The following SNX19 variants were observed in gnomAD, a reference collection of about 807,000 sequenced individuals.
SNX19 encodes the protein sorting nexin-19.
A neutral mutation model predicts 85.2 loss-of-function variants in SNX19; 60 were observed. The observed-to-expected ratio is 0.70, with a 90% CI of 0.57 to 0.87. SNX19 has a LOEUF of 0.87. Ranked by LOEUF, SNX19 falls within the 40% of genes least tolerant of loss-of-function variation. SNX19 has a pLI of 0.00. For synonymous variants in SNX19, 520 were observed against 470.0 expected, an observed-to-expected ratio of 1.11 and a Z score of -1.38; for missense variants, 1,201 against 1,217.8, an observed-to-expected ratio of 0.99 and a Z score of 0.21.
rs1943163268 is a variant in SNX19 at position 130,874,910 on chromosome 11, TTGG to T, written c.*3509_*3511del. On this transcript the variant is annotated 3_prime_UTR_variant, in exon 11 of 11. Transcript: ENST00000265909. ...GAGAAACTGGAACCCTTGTACATTG[TTGG>T]TGGGAATGTAAAATGGTCTAGTCAC... 3.9e-5 allele frequency among the ~76,000 whole-genome samples: 6 copies of T among 152,342 alleles called. No individual in the cohort carries two copies. The South Asian group carries it at 1.2e-3, about 32-fold the overall frequency.
chr11:130,913,894 G>GAAATAT (rs201832028), intron 1 of SNX19, among the ~76,000 whole-genome samples: 24,077 of 140,594 alleles, frequency 0.17, 2,176 homozygotes, highest in Middle Eastern at 0.26. Context: ...AGTTCTATTT[G>GAAATAT]AAAATAAATA....
chr11:130,884,928 C>A (rs1275587572), intron 8 of SNX19, among the ~76,000 whole-genome samples: 1 of 151,322 alleles, frequency 6.6e-6, no homozygotes, highest in Non-Finnish European at 1.5e-5. Context: ...AATACAAATG[C>A]TCTTGTTCAT....
chr11:130,871,513 T>C lies in SNX19; in HGVS notation c.*6909A>G, dbSNP rs1943025370. On this transcript the variant is annotated 3_prime_UTR_variant, in exon 11 of 11. Coordinates refer to ENST00000265909, the MANE Select transcript of SNX19 (RefSeq NM_014758.3). ...TCAAGGTATGAAAAGCAGTATTTCA[T>C]ATCAACGTTCATGGTTAATCTTTTT... 6.6e-6 allele frequency among the ~76,000 whole-genome samples: 1 copy of C among 152,212 alleles called. No individual in the cohort carries two copies. Among genetic ancestry groups the C allele is most frequent in the South Asian group, 2.1e-4 (1 of 4,830 alleles).
chr11:130,902,829 CTT>C (rs989247375), intron 8 of SNX19, among the ~76,000 whole-genome samples: 2 of 152,194 alleles, frequency 1.3e-5, no homozygotes, highest in Admixed American at 6.5e-5. Context: ...AGAAAACAAT[CTT>C]TATTTCAAGA....
Position 130,916,118 on chromosome 11 carries a change from G to A in SNX19, c.-179C>T, listed in dbSNP as rs777918786. The A allele has an allele frequency of 3.9e-5, 24 of 608,098 alleles. No individual in the cohort carries two copies. Among genetic ancestry groups the A allele is most frequent in the Non-Finnish European group, 6.7e-5 (23 of 345,378 alleles). The allele number at this position is 608,098 out of a possible 1,614,324, so 37.7% of individuals were successfully genotyped here. A position where few individuals can be genotyped will look rare whatever the true frequency, so the allele number is the denominator to read the frequency against. Reference sequence around the variant, plus strand: ...TGCAAAGCGACAGCTGCAGCTCCGCGTCTCCCCATGGCTACCACTAACAGA... The same window carrying A: ...TGCAAAGCGACAGCTGCAGCTCCGCATCTCCCCATGGCTACCACTAACAGA... On this transcript the variant is annotated 5_prime_UTR_variant, in exon 1 of 11. The change creates a new upstream start codon in the 5' untranslated region. Coordinates refer to ENST00000265909, the MANE Select transcript of SNX19 (RefSeq NM_014758.3).
At chr11:130,900,247 G>A (rs540820315) in intron 8 of SNX19, among the ~76,000 whole-genome samples, 1 of 152,292 alleles carries the variant, frequency 6.6e-6, no homozygotes, top group African/African-American at 2.4e-5. Context: ...AGGTTACAGT[G>A]AGCTATGATT....
Position 130,914,495 on chromosome 11 carries a change from CAT to C in SNX19, c.1443_1444del (p.Cys482LeufsTer8). On this transcript the variant is annotated frameshift_variant, in exon 1 of 11. Coordinates refer to ENST00000265909, the MANE Select transcript of SNX19 (RefSeq NM_014758.3). LOFTEE classifies it high-confidence loss of function. ...ATCATTGGTGAGATCCTTCTCTAAGCATGACGGCCGTGAGGGGCAGGTCTTTT... is the reference window on the plus strand; with the variant it reads ...ATCATTGGTGAGATCCTTCTCTAAGCGACGGCCGTGAGGGGCAGGTCTTTT... 1.2e-6 allele frequency: 2 copies of C among 1,613,872 alleles called. No individual in the cohort carries two copies. Among genetic ancestry groups the C allele is most frequent in the Non-Finnish European group, 1.7e-6 (2 of 1,179,800 alleles).
intron 8 of SNX19, among the ~76,000 whole-genome samples, chr11:130,899,926 A>C (rs1241623396): frequency 1.3e-5 from 2 of 152,218 alleles, no homozygotes; most frequent in Non-Finnish European, 2.9e-5. Flanking sequence ...AAAAACAAAA[A>C]GTCAGAATGT....
Position 130,880,755 on chromosome 11 carries a change from C to T in SNX19, c.2625G>A (p.Gln875=), listed in dbSNP as rs895995209. The change falls in exon 9 of 11, where the codon CAG becomes CAA. Residue 875 remains glutamine, a synonymous_variant. Transcript: ENST00000265909. ...ANLTSPQRWV[Q]YLLLLQESIW... The stretch of plus-strand genomic sequence containing the variant: ...TGGACTCCTGAAGAAGCAGGAGGTA[C>T]TGCACCCAGCGCTGTGGACTTGTTA... The T allele has an allele frequency of 5.0e-6, 8 of 1,607,572 alleles. No homozygotes were observed. Among genetic ancestry groups the T allele is most frequent in the Middle Eastern group, 1.7e-4 (1 of 6,056 alleles).
At chr11:130,907,008 T>TA (rs1442157454) in intron 5 of SNX19, among the ~76,000 whole-genome samples, 1 of 152,248 alleles carries the variant, frequency 6.6e-6, no homozygotes, top group African/African-American at 2.4e-5. Flanking sequence ...TGTATTATGG[T>TA]TATATTCCCA....
intron 8 of SNX19, among the ~76,000 whole-genome samples, chr11:130,887,694 AG>A (rs1328582563): frequency 5.3e-5 from 8 of 152,204 alleles, no homozygotes; most frequent in Non-Finnish European, 1.0e-4. Context: ...ACCAGATATT[AG>A]GTTAAATCTC....
At chr11:130,895,929 T>C (rs6590533) in intron 8 of SNX19, among the ~76,000 whole-genome samples, 96,671 of 152,102 alleles carry the variant, frequency 0.64, 31,001 homozygotes, top group South Asian at 0.8. Context: ...GGGCCCATCC[T>C]GGCCCAGTCT....
At chr11:130,903,492 C>G in intron 7 of SNX19, 108 bp from the exon 8 acceptor site, 1 of 1,279,702 alleles carries the variant, frequency 7.8e-7, no homozygotes, top group Non-Finnish European at 1.1e-6. Flanking sequence ...TGCCAATCAT[C>G]TGGTATTTTT....
chr11:130,884,218 G>A (rs1048274625), intron 8 of SNX19, among the ~76,000 whole-genome samples: 4 of 152,058 alleles, frequency 2.6e-5, no homozygotes, highest in African/African-American at 9.7e-5. Context: ...CCCTAATCAT[G>A]CTTGATTTAT....
chr11:130,915,278 T>C lies in SNX19; in HGVS notation c.662A>G (p.Gln221Arg), dbSNP rs753627918. The change falls in exon 1 of 11, where the codon CAA becomes CGA. Residue 221 changes from glutamine to arginine, a missense_variant. By Grantham distance (43) the Gln-to-Arg change is conservative. Around this residue, in one of 3 missense-constraint regions of SNX19, gnomAD observed 791 missense variants for 750.9 expected, o/e 1.05. Transcript: ENST00000265909. Reference protein sequence around the residue: ...YTRGVVNLLLQGLVPKPHLET... With the variant: ...YTRGVVNLLLRGLVPKPHLET... ...CAAGTGGGGCTTGGGCACCAGCCCTTGAAGCAACAAATTCACAACGCCACG... is the reference window on the plus strand; with the variant it reads ...CAAGTGGGGCTTGGGCACCAGCCCTCGAAGCAACAAATTCACAACGCCACG... 1.1e-5 allele frequency: 18 copies of C among 1,614,082 alleles called. No individual in the cohort carries two copies. In the Middle Eastern group the frequency reaches 4.9e-4, roughly 44 times the overall value.
chr11:130,906,564 T>C (rs1234600978), intron 6 of SNX19, 61 bp downstream of exon 6: 3 of 1,178,142 alleles, frequency 2.5e-6, no homozygotes, highest in Non-Finnish European at 3.8e-6. Flanking sequence ...CAACTACCTG[T>C]AACTGCAGGA....
chr11:130,911,835 TACTG>T, intron 1 of SNX19, 64 bp from the exon 2 acceptor site: 3 of 1,538,714 alleles, frequency 1.9e-6, no homozygotes, highest in Non-Finnish European at 2.7e-6. Flanking sequence ...ATTCTGGCTT[TACTG>T]ACTACTTGGT....
Position 130,910,144 on chromosome 11 carries a change from A to G in SNX19, c.1915-7T>C, listed in dbSNP as rs368565525. 9 of 1,614,000 alleles carry G rather than the reference A, an allele frequency of 5.6e-6. No homozygotes were observed. Among genetic ancestry groups the G allele is most frequent in the Non-Finnish European group, 6.8e-6 (8 of 1,180,008 alleles). ...CCGGAATGGCACAGAGTTGCTGCAA[A>G]AGTAAAACACACACACATTTTAAAG... On this transcript the variant is annotated splice_region_variant and splice_polypyrimidine_tract_variant and intron_variant, in intron 3 of 10. Transcript: ENST00000265909.
chr11:130,880,760 C>A lies in SNX19; in HGVS notation c.2620G>T (p.Val874Leu), dbSNP rs1943603237. Residue 874 changes from valine (V) to leucine (L), a missense_variant, in exon 9 of 11, where the codon GTG becomes TTG. Val to Leu is a conservative substitution (Grantham distance 32, BLOSUM62 1). Transcript: ENST00000265909. ...VANLTSPQRW[V>L]QYLLLLQESI... ...TCCTGAAGAAGCAGGAGGTACTGCA[C>A]CCAGCGCTGTGGACTTGTTAAATTA... 1 of 1,600,750 alleles carries A rather than the reference C, an allele frequency of 6.2e-7. No individual in the cohort carries two copies. The highest frequency in any genetic ancestry group is 8.5e-7 in the Non-Finnish European group (1 of 1,170,096).
Sources: allele counts gnomAD v4.1 joint callset (sites outside exome capture counted in the v4.1 genomes callset), GRCh38; gene constraint gnomAD v4.1.1; regional missense constraint gnomAD v4.1.1; transcripts MANE v1.5; gene names NCBI Gene and HGNC (gene_info 2026-07-23, HGNC 2026-07-21).